The following GPR176 variants were observed in gnomAD, a reference collection of about 807,000 sequenced individuals.
The protein encoded by GPR176 is G protein-coupled receptor 176.
GPR176 carries 26 observed loss-of-function variants against 35.4 expected under a neutral mutation model. The ratio of observed to expected loss-of-function variants is 0.74; its 90% CI spans 0.54 to 1.02. The LOEUF is 1.02. GPR176 is among the 50% of genes least tolerant of loss of function. The probability of loss-of-function intolerance (pLI) is 0.00; values close to 1 mark genes in which losing one functional copy is unlikely to be tolerated. For missense variants in GPR176, 597 were observed against 665.3 expected, an observed-to-expected ratio of 0.90 and a Z score of 1.13; for synonymous variants, 278 against 271.3, an observed-to-expected ratio of 1.02 and a Z score of -0.24.
intron 1 of GPR176, among the ~76,000 whole-genome samples, chr15:39,848,318 G>T (rs1455082035): frequency 1.3e-5 from 2 of 152,136 alleles, no homozygotes; most frequent in Admixed American, 1.3e-4. Flanking sequence ...AATGTGTGAT[G>T]CGAAAACTTA....
rs995923886 is a variant in GPR176 at position 39,807,375 on chromosome 15, T to C, written c.173-117A>G. The C allele has an allele frequency of 9.3e-6, 7 of 754,318 alleles. No individual in the cohort carries two copies. In the East Asian group the frequency reaches 2.0e-4, roughly 22 times the overall value. 46.7% of individuals were successfully genotyped at this position (754,318 alleles called of 1,614,324 possible). ...ACATTTGAGAGTTGATTTCAAAAGA[T>C]TTAATGTAAATCCTAATATTAAAAT... On this transcript the variant is annotated intron_variant, in intron 1 of 2. Transcript: ENST00000561100.
chr15:39,899,632 G>A (rs2033218108), intron 1 of GPR176, among the ~76,000 whole-genome samples: 1 of 152,186 alleles, frequency 6.6e-6, no homozygotes, highest in Non-Finnish European at 1.5e-5. Context: ...TCAAGAGGAA[G>A]GCAAGAAGTA....
chr15:39,855,152 A>T (rs531912092), intron 1 of GPR176, among the ~76,000 whole-genome samples: 2 of 152,308 alleles, frequency 1.3e-5, no homozygotes, highest in South Asian at 2.1e-4. Context: ...CTTAACAAAG[A>T]TGAGTCTTTC....
intron 1 of GPR176, among the ~76,000 whole-genome samples, chr15:39,845,669 G>A (rs1456504280): frequency 6.6e-6 from 1 of 152,046 alleles, no homozygotes; most frequent in African/African-American, 2.4e-5. Flanking sequence ...AGGTGGGAAG[G>A]GCAGGTCTGT....
intron 1 of GPR176, among the ~76,000 whole-genome samples, chr15:39,893,726 CG>C (rs1159213489): frequency 2.2e-5 from 3 of 134,270 alleles, no homozygotes; most frequent in Admixed American, 7.4e-5. Context: ...GCTGGCCGGG[CG>C]GGGGGCTGAC....
In GPR176 at chr15:39,915,762, C is replaced by T. The variant is rs534392546; in HGVS notation, c.172+4093G>A. ...GGCGTGGTGGCAGGCACCTGTAATC[C>T]CAGCTACTTGGGAGGCTGAGGCAGG... is the stretch of plus-strand genomic sequence containing the variant. On this transcript the variant is annotated intron_variant, in intron 1 of 2. Transcript: ENST00000561100. 2.6e-5 allele frequency among the ~76,000 whole-genome samples: 4 copies of T among 152,164 alleles called. No homozygotes were observed. The South Asian group carries it at 8.3e-4, about 32-fold the overall frequency.
At chr15:39,913,982 C>G (rs2033653945) in intron 1 of GPR176, among the ~76,000 whole-genome samples, 1 of 151,934 alleles carries the variant, frequency 6.6e-6, no homozygotes. Flanking sequence ...GGAGGCGGAC[C>G]TCGCAGTGAG....
chr15:39,815,530 T>C (rs1017144804), intron 1 of GPR176: 1 of 152,218 alleles, frequency 6.6e-6, no homozygotes, highest in Non-Finnish European at 1.5e-5. Context: ...CCTTTCTTTC[T>C]CTCTAGCAGA....
chr15:39,812,690 A>C (rs1156412256), intron 1 of GPR176, among the ~76,000 whole-genome samples: 4 of 151,844 alleles, frequency 2.6e-5, no homozygotes, highest in Non-Finnish European at 5.9e-5. Flanking sequence ...GTTCTGTCCC[A>C]CTAGAGAACC....
chr15:39,850,129 G>A (rs1249479120), intron 1 of GPR176, among the ~76,000 whole-genome samples: 1 of 152,150 alleles, frequency 6.6e-6, no homozygotes, highest in Non-Finnish European at 1.5e-5. Flanking sequence ...TGAGTCAGTA[G>A]GTAAGCAGTG....
intron 1 of GPR176, among the ~76,000 whole-genome samples, chr15:39,840,989 CTGAACT>C (rs767803821): frequency 2.6e-5 from 4 of 152,068 alleles, no homozygotes; most frequent in African/African-American, 4.8e-5. Context: ...TTAATGGAAC[CTGAACT>C]TGACTCCAGA....
At chr15:39,855,087 A>G (rs753687509) in intron 1 of GPR176, among the ~76,000 whole-genome samples, 1 of 151,918 alleles carries the variant, frequency 6.6e-6, no homozygotes, top group Non-Finnish European at 1.5e-5. Flanking sequence ...CTCTCCTTGG[A>G]AACCTTGAAA....
chr15:39,907,973 A>C (rs573899405), intron 1 of GPR176, among the ~76,000 whole-genome samples: 1 of 152,344 alleles, frequency 6.6e-6, no homozygotes, highest in South Asian at 2.1e-4. Context: ...TGAAAGAGTG[A>C]GACCCTGTCT....
intron 1 of GPR176, among the ~76,000 whole-genome samples, chr15:39,912,016 G>T (rs1478004327): frequency 1.3e-5 from 2 of 152,152 alleles, no homozygotes; most frequent in African/African-American, 4.8e-5. Context: ...TGAAGGAATG[G>T]AATACAGATA....
chr15:39,853,374 A>C (rs996209107), intron 1 of GPR176, among the ~76,000 whole-genome samples: 1 of 152,234 alleles, frequency 6.6e-6, no homozygotes, highest in Non-Finnish European at 1.5e-5. Context: ...TCATAGAGAC[A>C]GAAAGTAGAT....
intron 1 of GPR176, among the ~76,000 whole-genome samples, chr15:39,907,798 A>G (rs975591125): frequency 3.9e-5 from 6 of 152,182 alleles, no homozygotes; most frequent in Non-Finnish European, 7.3e-5. Context: ...ATCAGAAACT[A>G]TTTATATATA....
chr15:39,821,598 C>T (rs896007680), intron 1 of GPR176, among the ~76,000 whole-genome samples: 1 of 152,138 alleles, frequency 6.6e-6, no homozygotes, highest in Non-Finnish European at 1.5e-5. Context: ...CAGTGACATG[C>T]TGCAACTCTT....
At chr15:39,868,960 A>C (rs556531126) in intron 1 of GPR176, among the ~76,000 whole-genome samples, 1 of 151,994 alleles carries the variant, frequency 6.6e-6, no homozygotes, top group Non-Finnish European at 1.5e-5. Context: ...TGAAGTAAGA[A>C]ATCCCCCAAA....
chr15:39,822,571 T>C (rs1900347042), intron 1 of GPR176, among the ~76,000 whole-genome samples: 1 of 152,200 alleles, frequency 6.6e-6, no homozygotes, highest in African/African-American at 2.4e-5. Context: ...AACCACAAAA[T>C]AATGTTTTCT....
Sources: gnomAD v4.1 joint callset for allele counts (sites outside exome capture counted in the v4.1 genomes callset) on GRCh38, gnomAD v4.1.1 for gene constraint, MANE v1.5 for transcripts, NCBI Gene and HGNC (gene_info 2026-07-23, HGNC 2026-07-21) for gene names.